PSG8: variants seen among roughly 807,000 people sequenced by gnomAD.
PSG8 encodes pregnancy specific beta-1-glycoprotein 8.
A neutral mutation model predicts 42.5 loss-of-function variants in PSG8; 57 were observed. The observed-to-expected ratio is 1.34, with a 90% CI of 1.08 to 1.67. The LOEUF (loss-of-function observed/expected upper bound fraction) is 1.67. Ranked by LOEUF, PSG8 falls within the 40% of genes most tolerant of loss-of-function variation. PSG8 has a pLI of 0.00. For missense variants in PSG8, 783 were observed against 518.6 expected (o/e 1.51, Z -4.95); for synonymous variants, 280 against 196.8 (o/e 1.42, Z -3.54).
chr19:42,762,059 A>G (rs181804582), intron 2 of PSG8, among the ~76,000 whole-genome samples: 15,059 of 150,352 alleles, frequency 0.1, 512 homozygotes, highest in African/African-American at 0.2. Flanking sequence ...TGATTTCTGC[A>G]CCTTTCCTAT....
At chr19:42,762,387 G>A (rs1392462467) in intron 2 of PSG8, among the ~76,000 whole-genome samples, 1 of 152,060 alleles carries the variant, frequency 6.6e-6, no homozygotes, top group East Asian at 1.9e-4. Context: ...ACATGAGCTG[G>A]GGTGGCTTTA....
chr19:42,757,780 T>A (rs1969964506), intron 3 of PSG8, among the ~76,000 whole-genome samples: 1 of 152,158 alleles, frequency 6.6e-6, no homozygotes. Context: ...CATCACAAGC[T>A]GTGGACGCTG....
Position 42,765,614 on chromosome 19 carries a change from A to T in PSG8, c.-33T>A. ...GCTGTCTGTGTGTTCTCCTCTGTGG[A>T]GATGAGCCTAGGATCCAGAAGCTTC... On this transcript the variant is annotated 5_prime_UTR_variant, in exon 1 of 5. Transcript: ENST00000306511. 1 of 1,605,406 alleles carries T rather than the reference A, an allele frequency of 6.2e-7. No homozygotes were observed.
At chr19:42,760,542 C>T (rs774143592) in intron 2 of PSG8, among the ~76,000 whole-genome samples, 1 of 152,084 alleles carries the variant, frequency 6.6e-6, no homozygotes, top group South Asian at 2.1e-4. Context: ...CAGCTGTGTG[C>T]AGTCTACCAG....
chr19:42,758,781 T>C (rs551000017), intron 2 of PSG8: 4 of 169,638 alleles, frequency 2.4e-5, no homozygotes, highest in African/African-American at 9.5e-5. Flanking sequence ...TGGGACTGGG[T>C]ACTTCAGCAG....
intron 2 of PSG8, among the ~76,000 whole-genome samples, chr19:42,760,197 C>T (rs1275728145): frequency 6.6e-6 from 1 of 152,098 alleles, no homozygotes; most frequent in African/African-American, 2.4e-5. Flanking sequence ...ATGGCAATGG[C>T]TCATGTGTCT....
chr19:42,765,102 T>C (rs1397302951), intron 1 of PSG8, among the ~76,000 whole-genome samples: 1 of 151,990 alleles, frequency 6.6e-6, no homozygotes, highest in Non-Finnish European at 1.5e-5. Flanking sequence ...CTCTCTGGTG[T>C]ATTTCCCCCT....
downstream of PSG8, chr19:42,753,821 A>T (rs1052811179): frequency 3.7e-5 from 16 of 437,368 alleles, no homozygotes; most frequent in African/African-American, 1.0e-4. Context: ...CAAAGAGAGC[A>T]GATTGTTGCT....
At chr19:42,757,513 A>T (rs1258221195) in intron 3 of PSG8, among the ~76,000 whole-genome samples, 1 of 152,032 alleles carries the variant, frequency 6.6e-6, no homozygotes, top group Non-Finnish European at 1.5e-5. Context: ...AGTGGGTGAG[A>T]GTCTGTGAGG....
At position 42,765,621 on chromosome 19, in the gene PSG8, C is replaced by G. The variant is rs538084246; in HGVS notation, c.-40G>C. ...GTGTGTTCTCCTCTGTGGAGATGAG[C>G]CTAGGATCCAGAAGCTTCCTGAGCA... On this transcript the variant is annotated 5_prime_UTR_variant, in exon 1 of 5. Transcript: ENST00000306511. 3.1e-5 allele frequency: 49 copies of G among 1,603,294 alleles called. No individual in the cohort carries two copies. Among genetic ancestry groups the G allele is most frequent in the East Asian group, 6.7e-5 (3 of 44,798 alleles).
chr19:42,762,505 A>G (rs1970103230), intron 2 of PSG8, among the ~76,000 whole-genome samples: 1 of 152,004 alleles, frequency 6.6e-6, no homozygotes, highest in East Asian at 1.9e-4. Flanking sequence ...CAGTCTCTAA[A>G]GAGGTTTTGG....
chr19:42,758,378 A>G (rs1267916020), intron 2 of PSG8, 98 bp from the exon 3 acceptor site: 22 of 1,539,526 alleles, frequency 1.4e-5, no homozygotes, highest in Admixed American at 2.0e-5. Context: ...CTCTCAGCCC[A>G]CCCAAGTCCT....
intron 3 of PSG8, 150 bp downstream of exon 3, chr19:42,757,852 G>C (rs762416828): frequency 1.3e-4 from 200 of 1,555,394 alleles, no homozygotes; most frequent in Non-Finnish European, 1.7e-4. Context: ...GGCCTACTCT[G>C]GTTTGCCTGG....
At chr19:42,755,432 C>G in intron 3 of PSG8, 166 bp from the exon 4 acceptor site, 1 of 1,381,720 alleles carries the variant, frequency 7.2e-7, no homozygotes, top group Non-Finnish European at 9.7e-7. Flanking sequence ...TCTAAGGGCT[C>G]AAAGACTATG....
chr19:42,761,090 C>T (rs541053046), intron 2 of PSG8, among the ~76,000 whole-genome samples: 1 of 152,224 alleles, frequency 6.6e-6, no homozygotes, highest in East Asian at 1.9e-4. Context: ...CAGGCCTGTC[C>T]AGCCTCTGAC....
intron 3 of PSG8, among the ~76,000 whole-genome samples, chr19:42,756,346 G>T (rs1212994063): frequency 6.6e-6 from 1 of 152,172 alleles, no homozygotes; most frequent in Non-Finnish European, 1.5e-5. Flanking sequence ...TGGGTGTGCA[G>T]TTTCATTTAT....
rs927317280 is a variant in PSG8, at chr19:42,765,453, A to C, written c.64+65T>G. On this transcript the variant is annotated intron_variant, in intron 1 of 4. Transcript: ENST00000306511. Reference sequence around the variant, plus strand: ...TCATTTTTTAGTACCCCATACTCTCAAGGAGACCCCATCCAGTCACTCTGC... The same window carrying C: ...TCATTTTTTAGTACCCCATACTCTCCAGGAGACCCCATCCAGTCACTCTGC... 388 of 1,598,064 alleles carry C rather than the reference A, an allele frequency of 2.4e-4. 3 individuals carry two copies. The highest frequency in any genetic ancestry group is 5.2e-4 in the Middle Eastern group (3 of 5,784).
chr19:42,753,866 A>G (rs1969841253), downstream of PSG8: 1 of 473,212 alleles, frequency 2.1e-6, no homozygotes, highest in South Asian at 1.7e-5. Context: ...CCATAAACAT[A>G]TCAATTCTCA....
chr19:42,764,550 A>G (rs575355027), intron 1 of PSG8, among the ~76,000 whole-genome samples: 23 of 151,870 alleles, frequency 1.5e-4, no homozygotes, highest in African/African-American at 2.4e-4. Context: ...TCTGTTTGCA[A>G]TCCTCTTCCC....
Sources: gnomAD v4.1 joint callset for allele counts (sites outside exome capture counted in the v4.1 genomes callset) on GRCh38, gnomAD v4.1.1 for gene constraint, MANE v1.5 for transcripts, NCBI Gene and HGNC (gene_info 2026-07-23, HGNC 2026-07-21) for gene names.